NSMCE4A: variants seen among roughly 807,000 people sequenced by gnomAD.
NSMCE4A encodes the protein non-structural maintenance of chromosomes element 4 homolog A.
A neutral mutation model predicts 47.9 loss-of-function variants in NSMCE4A; 40 were observed. The observed-to-expected ratio is 0.83, with a 90% confidence interval of 0.65 to 1.09. The LOEUF is 1.09. Ranked by LOEUF, NSMCE4A falls within the 50% of genes least tolerant of loss-of-function variation. The pLI is 0.00. For missense variants in NSMCE4A, 500 were observed against 507.0 expected, an observed-to-expected ratio of 0.99 and a Z score of 0.13; for synonymous variants, 166 against 178.5, an observed-to-expected ratio of 0.93 and a Z score of 0.56.
At chr10:121,974,650 C>A in intron 1 of NSMCE4A, 1 of 1,083,962 alleles carries the variant, frequency 9.2e-7, no homozygotes, top group Non-Finnish European at 1.1e-6. Context: ...TTTTCCAGCC[C>A]GCCACTCGGG....
chr10:121,963,436 C>T (rs1952539611), intron 5 of NSMCE4A, 108 bp from the exon 6 acceptor site: 3 of 543,206 alleles, frequency 5.5e-6, no homozygotes, highest in Non-Finnish European at 9.7e-6. Flanking sequence ...CACCCGAACT[C>T]TTTTTTTTTT....
At chr10:121,965,901 G>A (rs1053816478) in intron 4 of NSMCE4A, 1 of 152,610 alleles carries the variant, frequency 6.6e-6, no homozygotes, top group African/African-American at 2.4e-5. Context: ...TTGGGTTACA[G>A]TAATAGATGT....
At chr10:121,965,579 ACTC>A (rs1952592130) in intron 4 of NSMCE4A, among the ~76,000 whole-genome samples, 194 bp from the exon 5 acceptor site, 1 of 151,982 alleles carries the variant, frequency 6.6e-6, no homozygotes, top group Non-Finnish European at 1.5e-5. Flanking sequence ...TTCTAAAAGA[ACTC>A]CTAGGAGCTT....
Position 121,974,257 on chromosome 10 carries a change from AC to A in NSMCE4A, c.293-177del, listed in dbSNP as rs771905645. 5 of 1,414,742 alleles carry A rather than the reference AC, an allele frequency of 3.5e-6. 1 individual carries two copies. The highest frequency in any genetic ancestry group is 2.9e-5 in the African/African-American group (2 of 69,288). 87.6% of individuals were successfully genotyped at this position (1,414,742 alleles called of 1,614,324 possible). A position where few individuals can be genotyped will look rare whatever the true frequency, so the allele number is the denominator to read the frequency against. On this transcript the variant is annotated intron_variant, in intron 1 of 10. Coordinates refer to ENST00000369023, the MANE Select transcript of NSMCE4A (RefSeq NM_017615.3). ...CCCGGAAAAGGAGAAAGGCCACCCTACCCTTTATGCAGCATGAATTTTAAAA... is the reference window on the plus strand; with the variant it reads ...CCCGGAAAAGGAGAAAGGCCACCCTACCTTTATGCAGCATGAATTTTAAAA...
chr10:121,964,650 C>T (rs1418491925), intron 5 of NSMCE4A, among the ~76,000 whole-genome samples: 2 of 150,534 alleles, frequency 1.3e-5, no homozygotes, highest in Non-Finnish European at 3.0e-5. Flanking sequence ...CCGTATTGGC[C>T]GGGCTGGTCT....
Position 121,975,169 on chromosome 10 carries a change from GC to G in NSMCE4A, c.-5del. 1 of 1,373,236 alleles carries G rather than the reference GC, an allele frequency of 7.3e-7. No individual in the cohort carries two copies. Among genetic ancestry groups the G allele is most frequent in the South Asian group, 1.7e-5 (1 of 59,680 alleles). The allele number at this position is 1,373,236 out of a possible 1,614,324, so 85.1% of individuals were successfully genotyped here. A position where few individuals can be genotyped will look rare whatever the true frequency, so the allele number is the denominator to read the frequency against. On this transcript the variant is annotated 5_prime_UTR_variant, in exon 1 of 11. Coordinates refer to ENST00000369023, the MANE Select transcript of NSMCE4A (RefSeq NM_017615.3). The stretch of plus-strand genomic sequence containing the variant: ...GGCCGCTGCTGTCCCCAGACATAGC[GC>G]CAATTCACCGTGCAACTTCGGAACG...
In NSMCE4A at chr10:121,971,064, G is replaced by C. The variant is rs903676710; in HGVS notation, c.376C>G (p.Arg126Gly). ...GCATCCAGGACTGCTTCTCTTGCTC[G>C]GGACACTATTCAAAAAAGAAAGAAA... The part of the protein sequence containing the change: ...EANTLFNEVS[R>G]AREAVLDAHF... Residue 126 changes from arginine (R) to glycine (G), a missense_variant, in exon 3 of 11, where the codon CGA becomes GGA. Transcript: ENST00000369023. The C allele has an allele frequency of 6.2e-7, 1 of 1,606,968 alleles. No homozygotes were observed. The highest frequency in any genetic ancestry group is 8.5e-7 in the Non-Finnish European group (1 of 1,177,656).
chr10:121,970,578 C>T (rs1952689437), intron 3 of NSMCE4A, among the ~76,000 whole-genome samples: 1 of 151,724 alleles, frequency 6.6e-6, no homozygotes, highest in South Asian at 2.1e-4. Flanking sequence ...AGGCCTAACT[C>T]AATTCCAGCT....
rs373491360 is a variant in NSMCE4A at position 121,974,127 on chromosome 10, T to G, written c.293-46A>C. 219 of 1,495,752 alleles carry G rather than the reference T, an allele frequency of 1.5e-4. No homozygotes were observed. In the African/African-American group the frequency reaches 2.0e-3, roughly 14 times the overall value. The allele number at this position is 1,495,752 out of a possible 1,614,324, so 92.7% of individuals were successfully genotyped here. On this transcript the variant is annotated intron_variant, in intron 1 of 10. Coordinates refer to ENST00000369023, the MANE Select transcript of NSMCE4A (RefSeq NM_017615.3). ...TTTGGGAAATTTGTTCAGCATTCAC[T>G]AATAAGCAGTTGACAAGGTTATCAC... is the stretch of plus-strand genomic sequence containing the variant.
intron 2 of NSMCE4A, among the ~76,000 whole-genome samples, chr10:121,972,713 G>T (rs760038426): frequency 6.6e-6 from 1 of 152,226 alleles, no homozygotes; most frequent in African/African-American, 2.4e-5. Flanking sequence ...GGCTGCGAAG[G>T]GAAGACAAAA....
intron 2 of NSMCE4A, 119 bp from the exon 3 acceptor site, chr10:121,971,188 T>A: frequency 1.3e-6 from 1 of 760,306 alleles, no homozygotes; most frequent in Non-Finnish European, 2.0e-6. Flanking sequence ...AAAAAAAATC[T>A]CAATAGGCAA....
In NSMCE4A at chr10:121,963,178, A is replaced by G. The variant is rs552190569; in HGVS notation, c.844+60T>C. The G allele has an allele frequency of 1.9e-5, 19 of 983,316 alleles. No individual in the cohort carries two copies. In the African/African-American group the frequency reaches 3.0e-4, roughly 16 times the overall value. 60.9% of individuals were successfully genotyped at this position (983,316 alleles called of 1,614,324 possible). A position where few individuals can be genotyped will look rare whatever the true frequency, so the allele number is the denominator to read the frequency against. On this transcript the variant is annotated intron_variant, in intron 6 of 10. Transcript: ENST00000369023. Reference sequence around the variant, plus strand: ...ACAGCTGAAATTGCCTTTTAAATACAAGTAACCTCAGTGAACAGATAAATA... The same window carrying G: ...ACAGCTGAAATTGCCTTTTAAATACGAGTAACCTCAGTGAACAGATAAATA...
At chr10:121,971,319 G>T (rs976475776) in intron 2 of NSMCE4A, among the ~76,000 whole-genome samples, 9 of 152,048 alleles carry the variant, frequency 5.9e-5, no homozygotes, top group African/African-American at 2.2e-4. Context: ...GACCATCCTG[G>T]CTAACACGGT....
At chr10:121,961,900 C>A in intron 6 of NSMCE4A, 1 of 219,180 alleles carries the variant, frequency 4.6e-6, no homozygotes, top group Non-Finnish European at 9.1e-6. Flanking sequence ...GTCAGGGGTT[C>A]AAGACTAGCT....
At chr10:121,967,150 A>C (rs1952621594) in intron 4 of NSMCE4A, 2 of 152,536 alleles carry the variant, frequency 1.3e-5, no homozygotes, top group Admixed American at 6.5e-5. Flanking sequence ...TTTTCTGCTA[A>C]AGCAGAATGA....
chr10:121,974,637 A>G (rs1239736385), intron 1 of NSMCE4A: 2 of 1,072,106 alleles, frequency 1.9e-6, no homozygotes, highest in Non-Finnish European at 1.1e-6. Context: ...TCTGGCCTCC[A>G]GCTTTTCCAG....
At chr10:121,974,566 C>T (rs938771022) in intron 1 of NSMCE4A, 4 of 1,024,068 alleles carry the variant, frequency 3.9e-6, no homozygotes, top group African/African-American at 3.4e-5. Flanking sequence ...TCAAAGCACG[C>T]GGAGTCCGCG....
Position 121,960,166 on chromosome 10 carries a change from A to G in NSMCE4A, c.988+192T>C, listed in dbSNP as rs1952472338. The G allele has an allele frequency of 2.4e-6, 1 of 410,782 alleles. No homozygotes were observed. Among genetic ancestry groups the G allele is most frequent in the East Asian group, 3.7e-5 (1 of 26,870 alleles). 25.4% of individuals were successfully genotyped at this position (410,782 alleles called of 1,614,324 possible). On this transcript the variant is annotated intron_variant, in intron 8 of 10. Coordinates refer to ENST00000369023, the MANE Select transcript of NSMCE4A (RefSeq NM_017615.3). The surrounding 1 kb of genome is among the most constrained non-coding windows in gnomAD (Gnocchi z 4.2). ...TAATATTTACAGCAGATGTTGAATC[A>G]ATGATATAGATGAATCCATCAAAAT...
At chr10:121,971,476 C>T (rs189010262) in intron 2 of NSMCE4A, among the ~76,000 whole-genome samples, 1 of 152,222 alleles carries the variant, frequency 6.6e-6, no homozygotes, top group Non-Finnish European at 1.5e-5. Flanking sequence ...CACTGCACTC[C>T]AGCCTGGGTG....
Sources: allele counts gnomAD v4.1 joint callset (sites outside exome capture counted in the v4.1 genomes callset), GRCh38; gene constraint gnomAD v4.1.1; non-coding constraint Gnocchi (gnomAD v3.1); transcripts MANE v1.5; gene names NCBI Gene and HGNC (gene_info 2026-07-23, HGNC 2026-07-21).